MCC: variants seen among roughly 807,000 people sequenced by gnomAD.
MCC encodes colorectal mutant cancer protein.
A neutral mutation model predicts 116.2 loss-of-function variants in MCC; 90 were observed. That is an observed-to-expected ratio of 0.77 (90% CI 0.65 to 0.92). MCC has a LOEUF of 0.92. Among genes scored for constraint, MCC ranks in the 40% least tolerant of loss-of-function variants. MCC has a pLI of 0.00. For missense variants in MCC, 1,516 were observed against 1,312.2 expected, an observed-to-expected ratio of 1.16 and a Z score of -2.40; for synonymous variants, 578 against 510.5, an observed-to-expected ratio of 1.13 and a Z score of -1.78.
chr5:113,161,922 A>G (rs545746626), intron 3 of MCC, among the ~76,000 whole-genome samples: 1 of 152,250 alleles, frequency 6.6e-6, no homozygotes, highest in African/African-American at 2.4e-5. Flanking sequence ...GCTCCGTTTC[A>G]GGGAAGGCCC....
chr5:113,387,225 G>A (rs1769282352), intron 1 of MCC, among the ~76,000 whole-genome samples: 1 of 152,120 alleles, frequency 6.6e-6, no homozygotes, highest in African/African-American at 2.4e-5. Flanking sequence ...CCCAAAATGT[G>A]TGATCAAAAG....
intron 3 of MCC, among the ~76,000 whole-genome samples, chr5:113,193,251 C>G (rs1045639375): frequency 6.6e-6 from 1 of 151,478 alleles, no homozygotes; most frequent in African/African-American, 2.4e-5. Context: ...CTGGATAATA[C>G]AGGATAACAG....
intron 3 of MCC, among the ~76,000 whole-genome samples, chr5:113,195,281 C>G (rs749695665): frequency 6.6e-6 from 1 of 152,174 alleles, no homozygotes; most frequent in Non-Finnish European, 1.5e-5. Flanking sequence ...CACCCAGCAT[C>G]GGGAATGTAG....
chr5:113,296,145 A>C (rs1045633372), intron 3 of MCC, among the ~76,000 whole-genome samples: 11 of 152,176 alleles, frequency 7.2e-5, no homozygotes, highest in Non-Finnish European at 8.8e-5. Flanking sequence ...GGGCACTGCC[A>C]AACTAGAGCA....
intron 3 of MCC, among the ~76,000 whole-genome samples, chr5:113,249,771 G>A (rs1341228192): frequency 6.6e-6 from 1 of 152,150 alleles, no homozygotes; most frequent in Non-Finnish European, 1.5e-5. Context: ...CCAGGACCAG[G>A]GCAGGACAAA....
intron 16 of MCC, among the ~76,000 whole-genome samples, chr5:113,047,526 C>T (rs1752176421): frequency 1.3e-5 from 2 of 152,228 alleles, no homozygotes; most frequent in African/African-American, 4.8e-5. Flanking sequence ...TGACAATTCA[C>T]TGTCACATGA....
At chr5:113,401,124 A>C (rs1769673120) in intron 1 of MCC, among the ~76,000 whole-genome samples, 1 of 152,212 alleles carries the variant, frequency 6.6e-6, no homozygotes, top group Non-Finnish European at 1.5e-5. Context: ...GTATTTTAAT[A>C]ATACTTCCAG....
chr5:113,067,035 C>A (rs1440856144), intron 13 of MCC, among the ~76,000 whole-genome samples: 2 of 152,216 alleles, frequency 1.3e-5, no homozygotes, highest in Non-Finnish European at 2.9e-5. Context: ...GCAGTCCTCC[C>A]CACATCACTG....
chr5:113,459,579 A>G (rs1771688394), intron 1 of MCC, among the ~76,000 whole-genome samples: 1 of 151,988 alleles, frequency 6.6e-6, no homozygotes. Flanking sequence ...ACAGAATCTT[A>G]TTTTGCCTCT....
At chr5:113,192,028 T>C (rs557636148) in intron 3 of MCC, among the ~76,000 whole-genome samples, 2 of 152,304 alleles carry the variant, frequency 1.3e-5, no homozygotes, top group East Asian at 3.9e-4. Flanking sequence ...ATTCAGTCAT[T>C]TGTCAAATAT....
intron 8 of MCC, among the ~76,000 whole-genome samples, chr5:113,097,353 T>A (rs1193828596): frequency 6.6e-6 from 1 of 152,206 alleles, no homozygotes; most frequent in African/African-American, 2.4e-5. Flanking sequence ...AATTATACAA[T>A]GATATGAATA....
In MCC at chr5:113,254,411, C is replaced by T. The variant is rs116570167; in HGVS notation, c.627+86108G>A. Among the ~76,000 whole-genome samples, 849 of 152,222 alleles carry T rather than the reference C, an allele frequency of 5.6e-3. 8 individuals carry two copies. The highest frequency in any genetic ancestry group is 0.02 in the African/African-American group (811 of 41,522). On this transcript the variant is annotated intron_variant, in intron 3 of 18. Coordinates refer to ENST00000408903, the MANE Select transcript of MCC (RefSeq NM_001085377.2). Reference sequence around the variant, plus strand: ...AATAAATGTCAGCTGTTCAGCAAGTCCTGAAAGCAGTTAGTTCATAACGCA... The same window carrying T: ...AATAAATGTCAGCTGTTCAGCAAGTTCTGAAAGCAGTTAGTTCATAACGCA...
At chr5:113,150,491 C>T (rs1039040115) in intron 4 of MCC, among the ~76,000 whole-genome samples, 2 of 151,466 alleles carry the variant, frequency 1.3e-5, no homozygotes, top group Non-Finnish European at 2.9e-5. Context: ...AGACATGAGA[C>T]AGAAAAGAAC....
At chr5:113,447,582 C>T (rs1771259050) in intron 1 of MCC, among the ~76,000 whole-genome samples, 1 of 152,170 alleles carries the variant, frequency 6.6e-6, no homozygotes, top group Non-Finnish European at 1.5e-5. Context: ...AGGAAGAACA[C>T]ATGTTCCGTA....
chr5:113,208,077 C>G (rs532802103), intron 3 of MCC, among the ~76,000 whole-genome samples: 4 of 152,230 alleles, frequency 2.6e-5, no homozygotes, highest in Non-Finnish European at 5.9e-5. Context: ...ATTACAACTT[C>G]CTCTCCATTC....
rs1753750040 is a variant in MCC, at chr5:113,068,091, C to G, written c.2018G>C (p.Gly673Ala). 6.2e-7 allele frequency: 1 copy of G among 1,614,000 alleles called. No individual in the cohort carries two copies. The highest frequency in any genetic ancestry group is 1.7e-5 in the Admixed American group (1 of 60,022). ...CTGGAGACACTTACCAGGGGAGGACCCCACGCCCGCCGCTCGGAACTGCCC... is the reference window on the plus strand; with the variant it reads ...CTGGAGACACTTACCAGGGGAGGACGCCACGCCCGCCGCTCGGAACTGCCC... ...ILGQFRAAGV[G>A]SSPGDQSGDE... is the part of the protein sequence containing the mutation. Residue 673 changes from glycine to alanine, a missense_variant, in exon 13 of 19, where the codon GGG (glycine) becomes GCG (alanine). Physicochemically the swap from Gly to Ala is moderately conservative, Grantham distance 60. Transcript: ENST00000408903.
At chr5:113,112,060 C>T (rs140105320) in intron 6 of MCC, among the ~76,000 whole-genome samples, 2 of 152,224 alleles carry the variant, frequency 1.3e-5, no homozygotes, top group African/African-American at 2.4e-5. Context: ...CAAACATCTC[C>T]CCTGGTCCAC....
In MCC at chr5:113,480,477, C is replaced by T. The variant is rs543093035; in HGVS notation, c.170+7768G>A. Reference sequence around the variant, plus strand: ...GCCAACACAGTTACCATTGCTTGTTCTGTGTGAATCAGGTTGTTATTCCTT... The same window carrying T: ...GCCAACACAGTTACCATTGCTTGTTTTGTGTGAATCAGGTTGTTATTCCTT... On this transcript the variant is annotated intron_variant, in intron 1 of 18. Coordinates refer to ENST00000408903, the MANE Select transcript of MCC (RefSeq NM_001085377.2). 2.2e-4 allele frequency among the ~76,000 whole-genome samples: 34 copies of T among 152,308 alleles called. No individual in the cohort carries two copies. The East Asian group carries it at 6.6e-3, about 29-fold the overall frequency.
intron 3 of MCC, among the ~76,000 whole-genome samples, chr5:113,195,411 C>G (rs1047996705): frequency 1.3e-5 from 2 of 152,252 alleles, no homozygotes; most frequent in Middle Eastern, 3.4e-3. Context: ...CTGCTTAGGT[C>G]TGGTGTAATT....
Sources: gnomAD v4.1 joint callset for allele counts (sites outside exome capture counted in the v4.1 genomes callset) on GRCh38, gnomAD v4.1.1 for gene constraint, MANE v1.5 for transcripts, NCBI Gene and HGNC (gene_info 2026-07-23, HGNC 2026-07-21) for gene names.